The following APBB2 variants were observed in gnomAD, a reference collection of about 807,000 sequenced individuals.
The protein encoded by APBB2 is Fe65-like 1.
In APBB2, 38 loss-of-function variants were observed where a neutral mutation model predicts 82.5. The ratio of observed to expected loss-of-function variants is 0.46; its 90% CI spans 0.36 to 0.60. APBB2 has a LOEUF of 0.60. APBB2 is among the 20% of genes least tolerant of loss of function. APBB2 has a pLI of 0.00. For synonymous variants in APBB2, 341 were observed against 368.2 expected (o/e 0.93, Z 0.85); for missense variants, 772 against 972.3 (o/e 0.79, Z 2.74).
At chr4:41,186,990 C>T (rs1773078751) in intron 1 of APBB2, among the ~76,000 whole-genome samples, 1 of 152,132 alleles carries the variant, frequency 6.6e-6, no homozygotes, top group Admixed American at 6.5e-5. Context: ...CACTAAAATT[C>T]CTAGCTTCTG....
intron 12 of APBB2, among the ~76,000 whole-genome samples, chr4:40,866,019 G>A (rs900458826): frequency 2.6e-5 from 4 of 152,188 alleles, no homozygotes; most frequent in Non-Finnish European, 5.9e-5. Flanking sequence ...AATGCAAAAC[G>A]GTGCACCTCC....
At chr4:40,928,427 C>CAA (rs111842984) in intron 10 of APBB2, among the ~76,000 whole-genome samples, 1 of 76,592 alleles carries the variant, frequency 1.3e-5, no homozygotes, top group African/African-American at 5.2e-5. Flanking sequence ...CACACACACA[C>CAA]AATCAGCCAG....
intron 10 of APBB2, among the ~76,000 whole-genome samples, chr4:40,914,591 T>G (rs547141232): frequency 6.6e-6 from 1 of 152,110 alleles, no homozygotes; most frequent in East Asian, 1.9e-4. Flanking sequence ...GACAGACAGA[T>G]AGATAAACAA....
chr4:41,026,865 C>T (rs902884224), intron 5 of APBB2, among the ~76,000 whole-genome samples: 1 of 152,032 alleles, frequency 6.6e-6, no homozygotes, highest in African/African-American at 2.4e-5. Context: ...TAGAAATTGA[C>T]CCTTCTGGTC....
At position 41,013,736 on chromosome 4, in the gene APBB2, A is replaced by G. The variant is rs745728857; in HGVS notation, c.682T>C (p.Ser228Pro). Reference protein sequence around the residue: ...PEDGQVATVSSSPETKKDHPK... With the variant: ...PEDGQVATVSPSPETKKDHPK... Reference sequence around the variant, plus strand: ...TGATCCTTCTTGGTTTCTGGGCTGGATGACACTGTGGCTACTTGGCCGTCT... The same window carrying G: ...TGATCCTTCTTGGTTTCTGGGCTGGGTGACACTGTGGCTACTTGGCCGTCT... The change falls in exon 6 of 18, where the codon TCC (serine) becomes CCC (proline). Residue 228 changes from serine to proline, a missense_variant. Coordinates refer to ENST00000508593, the MANE Select transcript of APBB2 (RefSeq NM_004307.2). 6.2e-7 allele frequency: 1 copy of G among 1,614,014 alleles called. No individual in the cohort carries two copies. Among genetic ancestry groups the G allele is most frequent in the East Asian group, 2.2e-5 (1 of 44,844 alleles).
In APBB2 at chr4:41,013,755, GCCGT is replaced by G; in HGVS notation, c.659_662del (p.Asp220AlafsTer3). 1 of 1,614,190 alleles carries G rather than the reference GCCGT, an allele frequency of 6.2e-7. No homozygotes were observed. The highest frequency in any genetic ancestry group is 8.5e-7 in the Non-Finnish European group (1 of 1,180,026). On this transcript the variant is annotated frameshift_variant, in exon 6 of 18. Coordinates refer to ENST00000508593, the MANE Select transcript of APBB2 (RefSeq NM_004307.2). LOFTEE classifies it high-confidence loss of function. ...GGCTGGATGACACTGTGGCTACTTGGCCGTCTTCAGGGCTGGACTGGGGTCTGTT... is the reference window on the plus strand; with the variant it reads ...GGCTGGATGACACTGTGGCTACTTGGCTTCAGGGCTGGACTGGGGTCTGTT...
chr4:41,143,623 T>C (rs1306650657), intron 1 of APBB2, among the ~76,000 whole-genome samples: 2 of 152,068 alleles, frequency 1.3e-5, no homozygotes, highest in African/African-American at 4.8e-5. Context: ...ATATAAAACA[T>C]TACAGGACTT....
intron 12 of APBB2, among the ~76,000 whole-genome samples, chr4:40,846,027 T>G (rs1417180161): frequency 1.0e-5 from 1 of 97,468 alleles, no homozygotes; most frequent in Non-Finnish European, 2.1e-5. Flanking sequence ...TGTGTGTGTG[T>G]GTGTGTGTGT....
chr4:41,143,465 G>A (rs915413041), intron 1 of APBB2, among the ~76,000 whole-genome samples: 9 of 152,176 alleles, frequency 5.9e-5, no homozygotes, highest in East Asian at 3.8e-4. Context: ...GATCTGCCCC[G>A]TGGAAAACCA....
chr4:41,073,021 CAA>C (rs1455281139), intron 3 of APBB2, among the ~76,000 whole-genome samples: 1 of 152,206 alleles, frequency 6.6e-6, no homozygotes, highest in Non-Finnish European at 1.5e-5. Context: ...TAAGTGGTAA[CAA>C]ATGTGAATTA....
chr4:40,965,168 G>C (rs1318941907), intron 6 of APBB2, among the ~76,000 whole-genome samples: 1 of 150,770 alleles, frequency 6.6e-6, no homozygotes, highest in Non-Finnish European at 1.5e-5. Context: ...GGAAAAACGT[G>C]GCAGCTAGGT....
intron 1 of APBB2, among the ~76,000 whole-genome samples, chr4:41,213,077 A>T (rs1779723510): frequency 7.1e-6 from 1 of 141,630 alleles, no homozygotes; most frequent in Admixed American, 7.0e-5. Context: ...ATCTGAAACC[A>T]TGACAAGAAA....
chr4:40,831,981 T>C lies in APBB2; in HGVS notation c.1530-1404A>G, dbSNP rs562751461. On this transcript the variant is annotated intron_variant, in intron 12 of 17. Coordinates refer to ENST00000508593, the MANE Select transcript of APBB2 (RefSeq NM_004307.2). ...AGCAGTTCAAAGATGAAAGTGTTTT[T>C]ACACACACACATATTTATATATTTA... Among the ~76,000 whole-genome samples, 9 of 150,476 alleles carry C rather than the reference T, an allele frequency of 6.0e-5. No homozygotes were observed. The South Asian group carries it at 1.9e-3, about 32-fold the overall frequency.
In APBB2 at chr4:40,832,011, TATACAC is replaced by T. The variant is rs1376224225; in HGVS notation, c.1530-1440_1530-1435del. 3.4e-3 allele frequency among the ~76,000 whole-genome samples: 170 copies of T among 49,578 alleles called. 1 individual carries two copies. The highest frequency in any genetic ancestry group is 8.3e-3 in the African/African-American group (159 of 19,150). 32.5% of individuals were successfully genotyped at this position (49,578 alleles called of 152,430 possible). On this transcript the variant is annotated intron_variant, in intron 12 of 17. Coordinates refer to ENST00000508593, the MANE Select transcript of APBB2 (RefSeq NM_004307.2). The surrounding 1 kb of genome is among the most constrained non-coding windows in gnomAD (Gnocchi z 4.8). ...ACACACATATTTATATATTTATTTATATACACACACACACACACACACACACACACA... is the reference window on the plus strand; with the variant it reads ...ACACACATATTTATATATTTATTTATACACACACACACACACACACACACA...
In APBB2 at chr4:40,890,409, G is replaced by A; in HGVS notation, c.1484C>T (p.Pro495Leu). 6.2e-7 allele frequency: 1 copy of A among 1,613,916 alleles called. No homozygotes were observed. Among genetic ancestry groups the A allele is most frequent in the East Asian group, 2.2e-5 (1 of 44,890 alleles). Residue 495 changes from proline to leucine, a missense_variant, in exon 12 of 18, where the codon CCC becomes CTC. Transcript: ENST00000508593. ...PMDRSVLHSQ[P>L]IVSIRVWGVG... ...GCCCCACACGCGGATGCTGACGATG[G>A]GCTGCGAGTGCAGCACGCTGCGGTC...
chr4:41,205,801 C>T, intron 1 of APBB2, among the ~76,000 whole-genome samples: 1 of 152,186 alleles, frequency 6.6e-6, no homozygotes, highest in East Asian at 1.9e-4. Context: ...TCACAACAAT[C>T]ATATTATATA....
At chr4:40,860,586 C>G (rs1472361268) in intron 12 of APBB2, among the ~76,000 whole-genome samples, 1 of 152,166 alleles carries the variant, frequency 6.6e-6, no homozygotes, top group Admixed American at 6.5e-5. Flanking sequence ...CTGTGACAAA[C>G]CACAACCATG....
chr4:40,961,483 G>A (rs1170738968), intron 6 of APBB2, among the ~76,000 whole-genome samples: 14 of 110,694 alleles, frequency 1.3e-4, no homozygotes, highest in Non-Finnish European at 2.1e-4. Flanking sequence ...ATCACACTCT[G>A]GGGACTGTTG....
chr4:41,016,885 GGGTT>G (rs1200835753), intron 5 of APBB2, among the ~76,000 whole-genome samples: 1 of 151,966 alleles, frequency 6.6e-6, no homozygotes, highest in Non-Finnish European at 1.5e-5. Context: ...TTTTGAGACA[GGGTT>G]GGTTATTTAT....
Sources: allele counts gnomAD v4.1 joint callset (sites outside exome capture counted in the v4.1 genomes callset), GRCh38; gene constraint gnomAD v4.1.1; non-coding constraint Gnocchi (gnomAD v3.1); transcripts MANE v1.5; gene names NCBI Gene and HGNC (gene_info 2026-07-23, HGNC 2026-07-21).